GRIP1: variants seen among roughly 807,000 people sequenced by gnomAD.
The protein encoded by GRIP1 is glutamate receptor-interacting protein 1.
GRIP1 carries 45 observed loss-of-function variants against 129.9 expected under a neutral mutation model. That is an observed-to-expected ratio of 0.35 (90% CI 0.27 to 0.44). The LOEUF (loss-of-function observed/expected upper bound fraction) is 0.44. Among genes scored for constraint, GRIP1 ranks in the 20% least tolerant of loss-of-function variants. GRIP1 has a pLI of 1.00. For missense variants in GRIP1, 1,196 were observed against 1,396.8 expected (o/e 0.86, Z 2.29); for synonymous variants, 530 against 520.8 (o/e 1.02, Z -0.24).
chr12:66,415,746 G>T (rs1301817712), intron 15 of GRIP1, among the ~76,000 whole-genome samples: 2 of 152,046 alleles, frequency 1.3e-5, no homozygotes, highest in African/African-American at 4.8e-5. Flanking sequence ...GCCATAAAAA[G>T]GAATGAGATC....
At chr12:66,549,841 T>C (rs1156565642) in intron 2 of GRIP1, among the ~76,000 whole-genome samples, 1 of 152,152 alleles carries the variant, frequency 6.6e-6, no homozygotes, top group Non-Finnish European at 1.5e-5. Context: ...ATTTATCTCA[T>C]GCAGTGATGG....
intron 1 of GRIP1, among the ~76,000 whole-genome samples, chr12:66,999,962 C>T (rs2042526861): frequency 1.3e-5 from 2 of 152,126 alleles, no homozygotes; most frequent in Admixed American, 1.3e-4. Context: ...TTCTTCTTCC[C>T]TCCCATTAAG....
rs1341633643 is a variant in GRIP1, at chr12:66,776,024, T to A, written c.-420+28029A>T. Among the ~76,000 whole-genome samples the A allele has an allele frequency of 9.2e-5, 14 of 152,178 alleles. 1 individual carries two copies. The highest frequency in any genetic ancestry group is 8.5e-4 in the Admixed American group (13 of 15,272). On this transcript the variant is annotated intron_variant, in intron 1 of 4. Transcript: ENST00000538373. ...GGGAACACAGGCTAGGAAAGGCTGC[T>A]CAGACTCCTGACCCAGCACACAATC... is the stretch of plus-strand genomic sequence containing the variant.
upstream of GRIP1, among the ~76,000 whole-genome samples, chr12:66,682,343 A>C (rs914081529): frequency 6.6e-6 from 1 of 152,166 alleles, no homozygotes; most frequent in Non-Finnish European, 1.5e-5. Context: ...TTACGTATCA[A>C]GTGTTTACAG....
intron 1 of GRIP1, among the ~76,000 whole-genome samples, chr12:66,779,178 T>C (rs1311768967): frequency 1.3e-5 from 2 of 152,216 alleles, no homozygotes; most frequent in African/African-American, 4.8e-5. Context: ...CAAGGACAAT[T>C]TGTCTTTCCT....
At chr12:66,897,298 C>G (rs1337554208) in intron 1 of GRIP1, among the ~76,000 whole-genome samples, 1 of 152,168 alleles carries the variant, frequency 6.6e-6, no homozygotes, top group Non-Finnish European at 1.5e-5. Context: ...AGCTAAGAAT[C>G]ACACTCCCCT....
intron 7 of GRIP1, among the ~76,000 whole-genome samples, chr12:66,492,694 T>C (rs1164875894): frequency 1.3e-5 from 2 of 152,122 alleles, no homozygotes; most frequent in Non-Finnish European, 2.9e-5. Flanking sequence ...AGCAAATAAG[T>C]TGGATGTCAG....
intron 1 of GRIP1, among the ~76,000 whole-genome samples, chr12:66,985,949 G>C (rs777115073): frequency 1.3e-5 from 2 of 152,118 alleles, no homozygotes. Flanking sequence ...AAAATTCAGG[G>C]TCATCTTTTT....
At chr12:66,564,472 C>T (rs997304514) in intron 2 of GRIP1, among the ~76,000 whole-genome samples, 3 of 152,064 alleles carry the variant, frequency 2.0e-5, no homozygotes, top group African/African-American at 7.2e-5. Flanking sequence ...TTTTTTATGG[C>T]TGCATAGTAT....
At chr12:67,020,055 T>A (rs556991103) in intron 1 of GRIP1, among the ~76,000 whole-genome samples, 2 of 152,296 alleles carry the variant, frequency 1.3e-5, no homozygotes, top group South Asian at 4.1e-4. Context: ...AGAAGTTTGC[T>A]TTTTTAGTAA....
At chr12:66,710,400 T>G (rs915961678) in intron 1 of GRIP1, among the ~76,000 whole-genome samples, 7 of 152,024 alleles carry the variant, frequency 4.6e-5, no homozygotes, top group African/African-American at 1.7e-4. Context: ...GGTTATCCTT[T>G]TTATGGGAAA....
intron 2 of GRIP1, among the ~76,000 whole-genome samples, chr12:66,563,038 T>C (rs2062596199): frequency 6.6e-6 from 1 of 151,920 alleles, no homozygotes; most frequent in African/African-American, 2.4e-5. Context: ...ACTTGCTATC[T>C]CGGGGGTGGC....
intron 1 of GRIP1, among the ~76,000 whole-genome samples, chr12:66,665,302 C>G (rs992226236): frequency 6.6e-6 from 1 of 152,128 alleles, no homozygotes; most frequent in African/African-American, 2.4e-5. Context: ...GCTAACACAA[C>G]CAACCAAAAT....
intron 1 of GRIP1, among the ~76,000 whole-genome samples, chr12:66,944,656 T>C (rs893367019): frequency 5.9e-5 from 9 of 151,892 alleles, no homozygotes; most frequent in Non-Finnish European, 1.3e-4. Flanking sequence ...AGGTAACACA[T>C]AAGGTCCGAA....
chr12:66,816,163 A>AG (rs1197183782), intron 1 of GRIP1, among the ~76,000 whole-genome samples: 2 of 152,184 alleles, frequency 1.3e-5, no homozygotes, highest in African/African-American at 4.8e-5. Context: ...AATTGGAAGA[A>AG]GGGAAATGTG....
At chr12:66,636,494 A>G (rs2031384161) in intron 1 of GRIP1, among the ~76,000 whole-genome samples, 1 of 152,236 alleles carries the variant, frequency 6.6e-6, no homozygotes, top group South Asian at 2.1e-4. Flanking sequence ...TTCTGACAAT[A>G]GCAAGCATCT....
At chr12:66,874,432 TG>T (rs1261333616) in intron 1 of GRIP1, among the ~76,000 whole-genome samples, 1 of 152,072 alleles carries the variant, frequency 6.6e-6, no homozygotes, top group African/African-American at 2.4e-5. Context: ...TTATGTTTCA[TG>T]ATATGGTGTA....
intron 2 of GRIP1, among the ~76,000 whole-genome samples, chr12:66,550,060 TA>T (rs796651801): frequency 5.9e-5 from 9 of 151,556 alleles, no homozygotes; most frequent in South Asian, 2.1e-4. Context: ...AGCATTAAGT[TA>T]AAAAAAAATC....
chr12:66,835,449 A>T (rs556316712), intron 1 of GRIP1, among the ~76,000 whole-genome samples: 2 of 152,350 alleles, frequency 1.3e-5, no homozygotes, highest in African/African-American at 4.8e-5. Context: ...ATCATTGTTT[A>T]TATCAATGAA....
Sources: gnomAD v4.1 joint callset for allele counts (sites outside exome capture counted in the v4.1 genomes callset) on GRCh38, gnomAD v4.1.1 for gene constraint, MANE v1.5 for transcripts, NCBI Gene and HGNC (gene_info 2026-07-23, HGNC 2026-07-21) for gene names.